COL3A1: variants seen among roughly 807,000 people sequenced by gnomAD.
The protein encoded by COL3A1 is collagen alpha-1(III) chain.
A neutral mutation model predicts 200.9 loss-of-function variants in COL3A1; 46 were observed. The observed-to-expected ratio is 0.23, with a 90% CI of 0.18 to 0.29. The LOEUF is 0.29. Ranked by LOEUF, COL3A1 falls within the 10% of genes least tolerant of loss-of-function variation. The pLI is 1.00. For synonymous variants in COL3A1, 650 were observed against 628.0 expected, an observed-to-expected ratio of 1.03 and a Z score of -0.52; for missense variants, 1,367 against 1,917.6, an observed-to-expected ratio of 0.71 and a Z score of 5.36.
chr2:189,006,865 TG>T, intron 43 of COL3A1, 71 bp from the exon 44 acceptor site: 1 of 1,496,606 alleles, frequency 6.7e-7, no homozygotes, highest in African/African-American at 1.4e-5. Context: ...TATTTACTTT[TG>T]AAAACGAAAT....
At chr2:189,000,788 T>G (rs1688439586) in intron 32 of COL3A1, among the ~76,000 whole-genome samples, 1 of 152,188 alleles carries the variant, frequency 6.6e-6, no homozygotes, top group Admixed American at 6.6e-5. Context: ...CCTATGAATC[T>G]ATAATTCAAA....
At chr2:189,002,247 A>G in intron 34 of COL3A1, 51 bp from the exon 35 acceptor site, 1 of 1,416,032 alleles carries the variant, frequency 7.1e-7, no homozygotes, top group Non-Finnish European at 1.0e-6. Context: ...TCCTGCCTAA[A>G]GGAGATGACG....
chr2:189,006,304 T>C, intron 42 of COL3A1, 41 bp from the exon 43 acceptor site: 1 of 1,613,744 alleles, frequency 6.2e-7, no homozygotes, highest in Non-Finnish European at 8.5e-7. Context: ...TCAAAATAAG[T>C]GATCATCATG....
chr2:188,992,808 A>T, intron 14 of COL3A1, 79 bp from the exon 15 acceptor site: 2 of 1,070,688 alleles, frequency 1.9e-6, no homozygotes, highest in Non-Finnish European at 2.9e-6. Context: ...TTTACTTTAT[A>T]TGTGCTCACT....
chr2:188,979,346 A>G (rs1687901346), intron 1 of COL3A1, among the ~76,000 whole-genome samples: 2 of 151,982 alleles, frequency 1.3e-5, no homozygotes, highest in African/African-American at 2.4e-5. Context: ...ATGAACTTAG[A>G]TGTATATTAA....
At position 188,991,566 on chromosome 2, in the gene COL3A1, A is replaced by G. The variant is rs41272827; in HGVS notation, c.897+35A>G. On this transcript the variant is annotated intron_variant, in intron 12 of 50. Transcript: ENST00000304636. ...TTTCTTATGTATAATTTTCAGTTTT[A>G]TTATTAACCTCATTGTTACCTAAAA... The G allele has an allele frequency of 1.1e-5, 17 of 1,607,660 alleles. No individual in the cohort carries two copies. The Admixed American group carries it at 2.7e-4, about 25-fold the overall frequency.
intron 29 of COL3A1, 109 bp downstream of exon 29, chr2:188,998,827 A>T: frequency 4.0e-6 from 4 of 1,000,810 alleles, no homozygotes; most frequent in Admixed American, 2.0e-5. Flanking sequence ...AAAGAGCATC[A>T]TTGCAAATGT....
chr2:188,983,347 A>G (rs1400627486), intron 1 of COL3A1, among the ~76,000 whole-genome samples: 1 of 151,982 alleles, frequency 6.6e-6, no homozygotes, highest in East Asian at 1.9e-4. Context: ...TGTCTTGTAC[A>G]ATATCATTAA....
intron 50 of COL3A1, 135 bp from the exon 51 acceptor site, chr2:189,011,493 G>C: frequency 1.1e-6 from 1 of 918,946 alleles, no homozygotes; most frequent in Non-Finnish European, 1.7e-6. Context: ...AGTAGAGCAG[G>C]TCTCATATAC....
At chr2:188,998,170 T>C (rs1688371365) in intron 27 of COL3A1, 96 bp from the exon 28 acceptor site, 1 of 1,196,696 alleles carries the variant, frequency 8.4e-7, no homozygotes. Context: ...ACTGGAACTT[T>C]TTTTTAATAT....
chr2:188,985,159 CTG>C, intron 2 of COL3A1, 36 bp from the exon 3 acceptor site: 1 of 1,595,692 alleles, frequency 6.3e-7, no homozygotes, highest in South Asian at 1.1e-5. Context: ...TATGCAAATT[CTG>C]TGTCTTGTTT....
chr2:188,998,369 T>A (rs771015743), intron 28 of COL3A1, 50 bp downstream of exon 28: 3 of 1,488,850 alleles, frequency 2.0e-6, no homozygotes, highest in Non-Finnish European at 2.8e-6. Context: ...GAATACACAC[T>A]GTTTGTTTGT....
At chr2:188,988,520 C>A in intron 6 of COL3A1, 70 bp from the exon 7 acceptor site, 1 of 1,078,738 alleles carries the variant, frequency 9.3e-7, no homozygotes, top group Non-Finnish European at 1.4e-6. Flanking sequence ...TGATTTCTTA[C>A]TGTCAAGATG....
At chr2:188,996,588 C>G in intron 24 of COL3A1, 92 bp downstream of exon 24, 1 of 1,017,768 alleles carries the variant, frequency 9.8e-7, no homozygotes, top group Non-Finnish European at 1.5e-6. Context: ...ACTCAGTCTC[C>G]TCTTCAAAGC....
rs1264682291 is a variant in COL3A1, at chr2:188,990,163, A to G, written c.744+14A>G. 3 of 1,613,050 alleles carry G rather than the reference A, an allele frequency of 1.9e-6. No homozygotes were observed. The Admixed American group carries it at 5.0e-5, about 27-fold the overall frequency. ...CCTGGACCTCCAGTGAGTCTTCAGC[A>G]TCTAATAAATTAATTGGAATAATCT... On this transcript the variant is annotated intron_variant, in intron 9 of 50. Transcript: ENST00000304636.
intron 6 of COL3A1, 38 bp from the exon 7 acceptor site, chr2:188,988,552 T>G (rs1157824299): frequency 6.4e-6 from 9 of 1,400,996 alleles, no homozygotes; most frequent in Admixed American, 3.4e-5. Flanking sequence ...TATGAAGATT[T>G]TGTTACTTTA....
In COL3A1 at chr2:188,988,613, C is replaced by A. The variant is rs1234502663; in HGVS notation, c.606C>A (p.Pro202=). 6.2e-7 allele frequency: 1 copy of A among 1,608,150 alleles called. No homozygotes were observed. Among genetic ancestry groups the A allele is most frequent in the African/African-American group, 1.3e-5 (1 of 74,718 alleles). ...AGGGATCTCCAGGATACCAAGGACC[C>A]CCTGGTGAACCTGGGCAAGCTGGTC... ...GSPGSPGYQG[P]PGEPGQAGPS... is the part of the protein sequence containing the mutation. Residue 202 remains proline (P), a synonymous_variant, in exon 7 of 51, where the codon CCC becomes CCA. Transcript: ENST00000304636.
chr2:189,006,684 C>A (rs1433879150), intron 43 of COL3A1, among the ~76,000 whole-genome samples: 1 of 152,104 alleles, frequency 6.6e-6, no homozygotes, highest in African/African-American at 2.4e-5. Context: ...ATTAATCAGA[C>A]CAACTATCTA....
chr2:188,975,138 T>C (rs1290735924), intron 1 of COL3A1, among the ~76,000 whole-genome samples: 1 of 152,256 alleles, frequency 6.6e-6, no homozygotes, highest in East Asian at 1.9e-4. Flanking sequence ...AATATTTTAT[T>C]ATTCCTGTTT....
Sources: allele counts gnomAD v4.1 joint callset (sites outside exome capture counted in the v4.1 genomes callset), GRCh38; gene constraint gnomAD v4.1.1; transcripts MANE v1.5; gene names NCBI Gene and HGNC (gene_info 2026-07-23, HGNC 2026-07-21).